The following CFAP70 variants were observed in gnomAD, a reference collection of about 807,000 sequenced individuals.
CFAP70 encodes the protein cilia and flagella associated protein 70, also known as cilia- and flagella-associated protein 70.
In CFAP70, 81 loss-of-function variants were observed where a neutral mutation model predicts 137.6. The ratio of observed to expected loss-of-function variants is 0.59; its 90% confidence interval spans 0.49 to 0.71. The LOEUF (loss-of-function observed/expected upper bound fraction) is 0.71, where lower values mean the gene tolerates loss of function less well. Ranked by LOEUF, CFAP70 falls within the 30% of genes least tolerant of loss-of-function variation. CFAP70 has a pLI of 0.00. For synonymous variants in CFAP70, 382 were observed against 423.6 expected, an observed-to-expected ratio of 0.90 and a Z score of 1.20; for missense variants, 976 against 1,226.7, an observed-to-expected ratio of 0.80 and a Z score of 3.05.
Position 73,312,656 on chromosome 10 carries a change from A to AAAAC in CFAP70, c.913-17_913-14dup. 1 of 1,527,100 alleles carries AAAAC rather than the reference A, an allele frequency of 6.5e-7. No homozygotes were observed. The highest frequency in any genetic ancestry group is 8.7e-7 in the Non-Finnish European group (1 of 1,143,298). 94.6% of individuals were successfully genotyped at this position (1,527,100 alleles called of 1,614,324 possible). A position where few individuals can be genotyped will look rare whatever the true frequency, so the allele number is the denominator to read the frequency against. On this transcript the variant is annotated splice_polypyrimidine_tract_variant and intron_variant, in intron 9 of 26. Coordinates refer to ENST00000310715, the Ensembl canonical transcript of CFAP70. ...ATAAACATTTGGTCTGAAAAACAAA[A>AAAAC]AAACAAACAAAAAAAAGCAATACAT...
intron 6 of CFAP70, among the ~76,000 whole-genome samples, chr10:73,338,312 C>T (rs2052896352): frequency 6.6e-6 from 1 of 151,538 alleles, no homozygotes; most frequent in Non-Finnish European, 1.5e-5. Context: ...ACTATACTGG[C>T]GAATTTTTGT....
chr10:73,358,907 C>G (rs1455890369), upstream of CFAP70: 1 of 152,230 alleles, frequency 6.6e-6, no homozygotes, highest in African/African-American at 2.4e-5. Context: ...ACTTCGAGAG[C>G]CTGCTGTTTC....
intron 9 of CFAP70, among the ~76,000 whole-genome samples, chr10:73,321,847 A>C (rs1358525711): frequency 2.0e-5 from 3 of 152,064 alleles, no homozygotes; most frequent in Admixed American, 6.6e-5. Flanking sequence ...GAAGTTGTGC[A>C]ATTTCAGCTC....
At chr10:73,346,056 G>A (rs929215836) in intron 4 of CFAP70, among the ~76,000 whole-genome samples, 1 of 151,184 alleles carries the variant, frequency 6.6e-6, no homozygotes, top group Admixed American at 6.6e-5. Context: ...ATGCCACCAT[G>A]CCCAGCTAAT....
intron 9 of CFAP70, among the ~76,000 whole-genome samples, chr10:73,321,109 A>C (rs1317910988): frequency 6.6e-6 from 1 of 152,158 alleles, no homozygotes; most frequent in African/African-American, 2.4e-5. Flanking sequence ...TGAACCTATT[A>C]AATTATGTCC....
chr10:73,307,331 C>T (rs2049466002), intron 12 of CFAP70, among the ~76,000 whole-genome samples: 1 of 151,968 alleles, frequency 6.6e-6, no homozygotes, highest in South Asian at 2.1e-4. Flanking sequence ...AGACAACAAA[C>T]AGATAAATGG....
At chr10:73,349,561 AAG>A (rs1367084321) in intron 3 of CFAP70, among the ~76,000 whole-genome samples, 1 of 152,026 alleles carries the variant, frequency 6.6e-6, no homozygotes, top group Non-Finnish European at 1.5e-5. Flanking sequence ...AAAAAAGAAA[AAG>A]AAAAAAGCAA....
At chr10:73,256,898 A>G in intron 25 of CFAP70, among the ~76,000 whole-genome samples, 1 of 129,066 alleles carries the variant, frequency 7.7e-6, no homozygotes, top group African/African-American at 3.0e-5. Context: ...GTGAGACTCC[A>G]TCTCAAAAAA....
intron 12 of CFAP70, among the ~76,000 whole-genome samples, chr10:73,309,658 A>ATTTTTTTTT (rs60294953): frequency 2.2e-5 from 3 of 136,422 alleles, no homozygotes; most frequent in African/African-American, 8.3e-5. Context: ...TTTCCTAAGA[A>ATTTTTTTTT]TTTTTTTTTT....
rs113596904 is a variant in CFAP70, at chr10:73,290,386, G to C, written c.2239+840C>G. On this transcript the variant is annotated intron_variant, in intron 19 of 26. Transcript: ENST00000310715. ...GATGATAGAAAGTAGACTAGTAGTT[G>C]TCTGGAAATGGGAGCAAGAGAAAGA... 2.8e-3 allele frequency among the ~76,000 whole-genome samples: 425 copies of C among 152,240 alleles called. 1 individual carries two copies. Among genetic ancestry groups the C allele is most frequent in the Non-Finnish European group, 4.2e-3 (284 of 68,026 alleles).
chr10:73,277,157 A>T, intron 21 of CFAP70, 83 bp downstream of exon 22: 1 of 1,443,066 alleles, frequency 6.9e-7, no homozygotes, highest in Non-Finnish European at 9.3e-7. Context: ...ACAAATATGG[A>T]AGCTTGAAAG....
chr10:73,287,266 C>G (rs2047796683), intron 19 of CFAP70, among the ~76,000 whole-genome samples: 1 of 152,152 alleles, frequency 6.6e-6, no homozygotes, highest in Admixed American at 6.5e-5. Context: ...CAAATGTGTA[C>G]AGGCTGTTAC....
intron 21 of CFAP70, chr10:73,276,392 C>A (rs925188838): frequency 1.3e-5 from 2 of 152,132 alleles, no homozygotes; most frequent in African/African-American, 4.8e-5. Context: ...ATACTTACAC[C>A]TTTTTAGGAG....
At chr10:73,305,526 A>G (rs2049307548) in intron 12 of CFAP70, among the ~76,000 whole-genome samples, 3 of 152,254 alleles carry the variant, frequency 2.0e-5, no homozygotes, top group Admixed American at 1.3e-4. Context: ...AGGCAGAAAT[A>G]TAAATGGCCT....
intron 23 of CFAP70, 88 bp downstream of exon 24, chr10:73,274,345 T>C (rs1589300648): frequency 5.1e-6 from 7 of 1,362,486 alleles, no homozygotes; most frequent in Non-Finnish European, 6.9e-6. Context: ...ATTATATTAC[T>C]AGTTTTAGTC....
intron 9 of CFAP70, among the ~76,000 whole-genome samples, chr10:73,318,538 T>C (rs1195520206): frequency 1.3e-5 from 2 of 152,220 alleles, no homozygotes; most frequent in Admixed American, 1.3e-4. Flanking sequence ...GCCAACTACA[T>C]TCCTAGTGCT....
intron 20 of CFAP70, among the ~76,000 whole-genome samples, chr10:73,277,696 A>G (rs1385062917): frequency 1.3e-5 from 2 of 151,038 alleles, no homozygotes; most frequent in African/African-American, 4.9e-5. Context: ...CTGGCAACAG[A>G]GCAAGACTCC....
chr10:73,320,953 T>C (rs1362551661), intron 9 of CFAP70, among the ~76,000 whole-genome samples: 1 of 152,116 alleles, frequency 6.6e-6, no homozygotes, highest in African/African-American at 2.4e-5. Context: ...AGGCGTGGCC[T>C]ATAAAGTATT....
chr10:73,257,817 A>G (rs1338993354), intron 25 of CFAP70, among the ~76,000 whole-genome samples: 3 of 151,978 alleles, frequency 2.0e-5, no homozygotes, highest in Non-Finnish European at 4.4e-5. Context: ...TTTTTCTGCT[A>G]TCATGAACAT....
Sources: allele counts gnomAD v4.1 joint callset (sites outside exome capture counted in the v4.1 genomes callset), GRCh38; gene constraint gnomAD v4.1.1; transcripts MANE v1.5; gene names NCBI Gene and HGNC (gene_info 2026-07-23, HGNC 2026-07-21).